The following ZFPM1 variants were observed in gnomAD, a reference collection of about 807,000 sequenced individuals.
ZFPM1 encodes the protein zinc finger protein ZFPM1.
Under a neutral mutation model 46.3 loss-of-function variants are expected in ZFPM1, and 28 were observed. The ratio of observed to expected loss-of-function variants is 0.60; its 90% CI spans 0.45 to 0.83. The LOEUF is 0.83. Ranked by LOEUF, ZFPM1 falls within the 40% of genes least tolerant of loss-of-function variation. The pLI, the probability that ZFPM1 is intolerant of heterozygous loss-of-function variation, is 0.00. For missense variants in ZFPM1, 1,878 were observed against 1,432.4 expected, an observed-to-expected ratio of 1.31 and a Z score of -5.02; for synonymous variants, 957 against 675.9, an observed-to-expected ratio of 1.42 and a Z score of -6.45.
intron 3 of ZFPM1, among the ~76,000 whole-genome samples, chr16:88,510,588 T>C (rs2142421915): frequency 6.6e-6 from 1 of 152,344 alleles, no homozygotes; most frequent in East Asian, 1.9e-4. Flanking sequence ...AAATTAGTCC[T>C]TGTCCCAGTG....
chr16:88,473,356 G>A (rs1003488615), intron 1 of ZFPM1, among the ~76,000 whole-genome samples: 5 of 152,208 alleles, frequency 3.3e-5, no homozygotes, highest in African/African-American at 9.6e-5. Context: ...CTCACCCACC[G>A]ACCCTCAGGC....
At chr16:88,454,288 C>T (rs986838134) in intron 1 of ZFPM1, among the ~76,000 whole-genome samples, 19 of 152,206 alleles carry the variant, frequency 1.2e-4, no homozygotes, top group South Asian at 2.1e-4. Context: ...GCAGCTGCCG[C>T]AGCCTAGGCA....
At chr16:88,525,900 G>C (rs974107688) in intron 4 of ZFPM1, among the ~76,000 whole-genome samples, 1 of 152,256 alleles carries the variant, frequency 6.6e-6, no homozygotes, top group Non-Finnish European at 1.5e-5. Flanking sequence ...GCTCGGCCCA[G>C]AGTGTTTTCC....
intron 3 of ZFPM1, among the ~76,000 whole-genome samples, chr16:88,510,628 TG>T (rs1471964370): frequency 6.6e-6 from 1 of 152,140 alleles, no homozygotes; most frequent in Non-Finnish European, 1.5e-5. Context: ...CCCATTCCCC[TG>T]GCTGGGCTCA....
At chr16:88,528,307 G>T in intron 6 of ZFPM1, 69 bp downstream of exon 6, 4 of 1,471,858 alleles carry the variant, frequency 2.7e-6, no homozygotes, top group South Asian at 2.6e-5. Flanking sequence ...GCAGGAGAGG[G>T]TGGGAGCTGA....
intron 3 of ZFPM1, among the ~76,000 whole-genome samples, chr16:88,513,963 G>A (rs564885884): frequency 6.6e-6 from 1 of 152,220 alleles, no homozygotes; most frequent in Admixed American, 6.5e-5. Flanking sequence ...TAATCTAATT[G>A]CATTTGCAAA....
At chr16:88,502,064 C>CATTCATTCATT (rs139067439) in intron 3 of ZFPM1, among the ~76,000 whole-genome samples, 2 of 127,314 alleles carry the variant, frequency 1.6e-5, no homozygotes, top group African/African-American at 5.9e-5. Flanking sequence ...CCGCCCCCCC[C>CATTCATTCATT]CATTTATTTA....
chr16:88,532,899 C>G lies in ZFPM1; in HGVS notation c.1153C>G (p.Pro385Ala). The G allele has an allele frequency of 1.2e-6, 2 of 1,613,274 alleles. No homozygotes were observed. The highest frequency in any genetic ancestry group is 1.7e-6 in the Non-Finnish European group (2 of 1,179,966). The change falls in exon 9 of 10, where the codon CCA (proline) becomes GCA (alanine). Residue 385 changes from proline to alanine, a missense_variant. Coordinates refer to ENST00000319555, the MANE Select transcript of ZFPM1 (RefSeq NM_153813.3). Reference protein sequence around the residue: ...QPGSKGEIYSPGAGHPATKLP... With the variant: ...QPGSKGEIYSAGAGHPATKLP... ...TGGCTCCAAGGGTGAGATCTACTCG[C>G]CAGGGGCCGGACACCCAGCAACCAA...
chr16:88,527,717 C>G (rs1304955847), intron 5 of ZFPM1, among the ~76,000 whole-genome samples: 2 of 151,884 alleles, frequency 1.3e-5, no homozygotes, highest in African/African-American at 4.8e-5. Flanking sequence ...TGGCTGCCGT[C>G]CCTGAGTGGC....
Position 88,480,107 on chromosome 16 carries a change from C to T in ZFPM1, c.41-5832C>T, listed in dbSNP as rs1024553143. Among the ~76,000 whole-genome samples the T allele has an allele frequency of 2.0e-5, 3 of 152,040 alleles. No individual in the cohort carries two copies. The highest frequency in any genetic ancestry group is 2.1e-4 in the South Asian group (1 of 4,820). ...GAGAAGCCGCCTGCCCTGTGCCAGC[C>T]TCAGCTCCTGCTGTTCCTTTCTCCT... On this transcript the variant is annotated intron_variant, in intron 1 of 9. Coordinates refer to ENST00000319555, the MANE Select transcript of ZFPM1 (RefSeq NM_153813.3). The surrounding 1 kb of genome is among the most constrained non-coding windows in gnomAD (Gnocchi z 4.9).
At chr16:88,455,132 G>GGTGTGTGT (rs4047261) in intron 1 of ZFPM1, among the ~76,000 whole-genome samples, 1,481 of 141,748 alleles carry the variant, frequency 0.01, 7 homozygotes, top group East Asian at 0.019. Flanking sequence ...TCGGTTCTGG[G>GGTGTGTGT]GTGTGTGTGT....
intron 1 of ZFPM1, among the ~76,000 whole-genome samples, chr16:88,484,379 C>T (rs895940660): frequency 4.6e-5 from 7 of 152,234 alleles, no homozygotes; most frequent in African/African-American, 9.6e-5. Flanking sequence ...CAGCCTGCAA[C>T]GCTCAGGCCT....
chr16:88,453,327 C>T lies in ZFPM1; in HGVS notation c.-312C>T, dbSNP rs1367939549. The T allele has an allele frequency of 3.4e-5, 5 of 146,894 alleles. No homozygotes were observed. Among genetic ancestry groups the T allele is most frequent in the African/African-American group, 1.2e-4 (5 of 40,856 alleles). The allele number at this position is 146,894 out of a possible 1,614,324, so 9.1% of individuals were successfully genotyped here. ...AGTGGCCGCCTGCTCCGCCGCTCGCCGCCCGCGGGTTCCATTGAGAAAAGC... is the reference window on the plus strand; with the variant it reads ...AGTGGCCGCCTGCTCCGCCGCTCGCTGCCCGCGGGTTCCATTGAGAAAAGC... On this transcript the variant is annotated 5_prime_UTR_variant, in exon 1 of 10. Transcript: ENST00000319555.
Position 88,512,584 on chromosome 16 carries a change from T to C in ZFPM1, c.269-1803T>C, listed in dbSNP as rs972031415. Among the ~76,000 whole-genome samples, 49 of 146,230 alleles carry C rather than the reference T, an allele frequency of 3.4e-4. No individual in the cohort carries two copies. In the Middle Eastern group the frequency reaches 0.01, roughly 31 times the overall value. The stretch of plus-strand genomic sequence containing the variant: ...AGGCCCCAGCAGGAGAGCAGAGGCC[T>C]GCATGCAGGGCCCACCCCACGAAGC... On this transcript the variant is annotated intron_variant, in intron 3 of 9. Transcript: ENST00000319555.
rs1437668171 is a variant in ZFPM1, at chr16:88,461,235, AGGGGT to A, written c.40+7562_40+7566del. Among the ~76,000 whole-genome samples, 29 of 28,862 alleles carry A rather than the reference AGGGGT, an allele frequency of 1.0e-3. 2 individuals are homozygous for A. Among genetic ancestry groups the A allele is most frequent in the African/African-American group, 1.7e-3 (8 of 4,694 alleles). The allele number at this position is 28,862 out of a possible 152,430, so 18.9% of individuals were successfully genotyped here. A position where few individuals can be genotyped will look rare whatever the true frequency, so the allele number is the denominator to read the frequency against. ...GGGGCGGGAGGCCTGGTGAGGACCC[AGGGGT>A]GGGGCGGGAGGCCCTGGTGAGGACC... On this transcript the variant is annotated intron_variant, in intron 1 of 9. Transcript: ENST00000319555.
chr16:88,531,174 A>C (rs916617469), intron 6 of ZFPM1: 1 of 152,366 alleles, frequency 6.6e-6, no homozygotes. Context: ...ACGGAGGCCA[A>C]GGCCAAGCTG....
At chr16:88,456,544 G>A (rs1031422798) in intron 1 of ZFPM1, among the ~76,000 whole-genome samples, 1 of 152,200 alleles carries the variant, frequency 6.6e-6, no homozygotes, top group Non-Finnish European at 1.5e-5. Flanking sequence ...AGTGGCAAAC[G>A]AGAGGGGCAG....
At chr16:88,523,953 C>A (rs996182904) in intron 4 of ZFPM1, among the ~76,000 whole-genome samples, 2 of 152,216 alleles carry the variant, frequency 1.3e-5, no homozygotes, top group South Asian at 2.1e-4. Flanking sequence ...CACTCGGGAC[C>A]GCCACAGAAA....
chr16:88,532,296 C>A (rs149234542), intron 7 of ZFPM1, 61 bp downstream of exon 7: 37,378 of 1,469,644 alleles, frequency 0.025, 582 homozygotes, highest in Admixed American at 0.04. Flanking sequence ...CCCAGTCCCG[C>A]AGGCCGCCCG....
Sources: allele counts gnomAD v4.1 joint callset (sites outside exome capture counted in the v4.1 genomes callset), GRCh38; gene constraint gnomAD v4.1.1; non-coding constraint Gnocchi (gnomAD v3.1); transcripts MANE v1.5; gene names NCBI Gene and HGNC (gene_info 2026-07-23, HGNC 2026-07-21).